Variants in SORCS3 observed in about 807,000 individuals in gnomAD.
SORCS3 encodes VPS10 domain-containing receptor SorCS3.
In SORCS3, 57 loss-of-function variants were observed where a neutral mutation model predicts 146.3. That is an observed-to-expected ratio of 0.39 (90% confidence interval 0.31 to 0.49). The LOEUF is 0.49. Among genes scored for constraint, SORCS3 ranks in the 20% least tolerant of loss-of-function variants. SORCS3 has a pLI of 0.92. For synonymous variants in SORCS3, 653 were observed against 618.5 expected, an observed-to-expected ratio of 1.06 and a Z score of -0.83; for missense variants, 1,341 against 1,575.5, an observed-to-expected ratio of 0.85 and a Z score of 2.52.
intron 1 of SORCS3, among the ~76,000 whole-genome samples, chr10:104,660,315 C>T (rs746428882): frequency 6.6e-5 from 10 of 152,224 alleles, no homozygotes; most frequent in Admixed American, 3.3e-4. Context: ...TGCATCCTGC[C>T]GATCTGTGAG....
chr10:104,782,321 C>T (rs1330864434), intron 1 of SORCS3, among the ~76,000 whole-genome samples: 1 of 152,130 alleles, frequency 6.6e-6, no homozygotes, highest in Non-Finnish European at 1.5e-5. Context: ...TTCAGCTGAC[C>T]TGCTTCCACC....
At chr10:105,112,938 A>G (rs1030199084) in intron 7 of SORCS3, among the ~76,000 whole-genome samples, 2 of 152,214 alleles carry the variant, frequency 1.3e-5, no homozygotes, top group Non-Finnish European at 2.9e-5. Context: ...TAACAGAGAC[A>G]TATAACTGAG....
intron 8 of SORCS3, among the ~76,000 whole-genome samples, chr10:105,146,312 T>C (rs2056130747): frequency 6.6e-6 from 1 of 152,064 alleles, no homozygotes; most frequent in South Asian, 2.1e-4. Flanking sequence ...CATTGTAAAC[T>C]ACTAGGTGTG....
intron 14 of SORCS3, among the ~76,000 whole-genome samples, chr10:105,184,490 C>T (rs1197739704): frequency 6.6e-6 from 1 of 152,114 alleles, no homozygotes; most frequent in Non-Finnish European, 1.5e-5. Flanking sequence ...GGGTTTTTAT[C>T]CATTGTAAAT....
At chr10:104,921,514 T>TGC (rs1422520934) in intron 3 of SORCS3, among the ~76,000 whole-genome samples, 3 of 151,624 alleles carry the variant, frequency 2.0e-5, no homozygotes, top group Non-Finnish European at 2.9e-5. Context: ...TGTGTGTGTG[T>TGC]GTGTGTGTGT....
chr10:105,075,141 C>T (rs1034836480), intron 5 of SORCS3, among the ~76,000 whole-genome samples: 31 of 152,274 alleles, frequency 2.0e-4, no homozygotes, highest in African/African-American at 7.2e-4. Flanking sequence ...GTCAGTACCA[C>T]ATAATCTTGC....
intron 1 of SORCS3, among the ~76,000 whole-genome samples, chr10:104,841,938 G>A (rs773875819): frequency 2.0e-5 from 3 of 152,188 alleles, no homozygotes; most frequent in Non-Finnish European, 4.4e-5. Flanking sequence ...CACGCACTTA[G>A]CATCCTTTTA....
chr10:104,871,694 C>T (rs2018520548), intron 2 of SORCS3, among the ~76,000 whole-genome samples: 1 of 152,144 alleles, frequency 6.6e-6, no homozygotes, highest in Non-Finnish European at 1.5e-5. Context: ...TTTGAGCCAC[C>T]TTGCTAGAAT....
At chr10:104,670,563 AC>A (rs1419800933) in intron 1 of SORCS3, among the ~76,000 whole-genome samples, 10 of 152,120 alleles carry the variant, frequency 6.6e-5, no homozygotes, top group Admixed American at 5.2e-4. Context: ...TGCTAGTGCC[AC>A]ACTGTTTTGA....
chr10:104,709,716 G>A (rs1263250104), intron 1 of SORCS3, among the ~76,000 whole-genome samples: 4 of 152,124 alleles, frequency 2.6e-5, no homozygotes, highest in African/African-American at 9.7e-5. Context: ...TAATTGCAAA[G>A]CCCATACTCT....
chr10:105,015,450 A>C (rs931865112), intron 4 of SORCS3, among the ~76,000 whole-genome samples: 1 of 152,188 alleles, frequency 6.6e-6, no homozygotes, highest in Non-Finnish European at 1.5e-5. Flanking sequence ...CTAAGTCTAC[A>C]TTTAACCACA....
intron 2 of SORCS3, among the ~76,000 whole-genome samples, chr10:104,910,619 C>G (rs1347115873): frequency 6.6e-6 from 1 of 152,190 alleles, no homozygotes; most frequent in African/African-American, 2.4e-5. Flanking sequence ...CATGTAGAAA[C>G]ACTCAAAAAG....
At chr10:105,183,789 A>C (rs1022599595) in intron 14 of SORCS3, among the ~76,000 whole-genome samples, 13 of 152,070 alleles carry the variant, frequency 8.5e-5, no homozygotes, top group African/African-American at 3.1e-4. Flanking sequence ...GGGGTATTGG[A>C]TGATGGTAGG....
intron 17 of SORCS3, among the ~76,000 whole-genome samples, chr10:105,213,664 C>T (rs887804268): frequency 6.6e-6 from 1 of 152,050 alleles, no homozygotes; most frequent in African/African-American, 2.4e-5. Context: ...GGTTGGTGGG[C>T]AAGGAAGATG....
intron 3 of SORCS3, among the ~76,000 whole-genome samples, chr10:104,922,973 A>T (rs1371005423): frequency 2.6e-5 from 4 of 152,226 alleles, no homozygotes; most frequent in African/African-American, 4.8e-5. Context: ...CCTTCAGTGC[A>T]AAGGGACTTT....
At chr10:104,861,469 A>G (rs2018399923) in intron 2 of SORCS3, among the ~76,000 whole-genome samples, 1 of 152,186 alleles carries the variant, frequency 6.6e-6, no homozygotes, top group South Asian at 2.1e-4. Flanking sequence ...TGTTCTGCCT[A>G]TGAGGGCTTG....
At chr10:104,683,749 C>A (rs1231961228) in intron 1 of SORCS3, among the ~76,000 whole-genome samples, 1 of 152,098 alleles carries the variant, frequency 6.6e-6, no homozygotes, top group Non-Finnish European at 1.5e-5. Flanking sequence ...CAGTGGCTGG[C>A]AAGGTCTGGA....
intron 23 of SORCS3, 140 bp from the exon 24 acceptor site, chr10:105,255,562 C>G (rs1470508567): frequency 3.2e-6 from 2 of 615,792 alleles, no homozygotes; most frequent in South Asian, 2.1e-5. Flanking sequence ...AGAACCAAAT[C>G]GATAAATATT....
intron 14 of SORCS3, among the ~76,000 whole-genome samples, chr10:105,190,667 G>T (rs1346181551): frequency 6.6e-6 from 1 of 152,158 alleles, no homozygotes; most frequent in African/African-American, 2.4e-5. Context: ...CTCCCAAAGT[G>T]CTGGGATTTC....
Sources: gnomAD v4.1 joint callset for allele counts (sites outside exome capture counted in the v4.1 genomes callset) on GRCh38, gnomAD v4.1.1 for gene constraint, MANE v1.5 for transcripts, NCBI Gene and HGNC (gene_info 2026-07-23, HGNC 2026-07-21) for gene names.